Variants in PPP3CB observed in about 807,000 individuals in gnomAD.
The protein encoded by PPP3CB is protein phosphatase 3 catalytic subunit beta.
A neutral mutation model predicts 66.4 loss-of-function variants in PPP3CB; 8 were observed. The ratio of observed to expected loss-of-function variants is 0.12; its 90% CI spans 0.07 to 0.22. The LOEUF (loss-of-function observed/expected upper bound fraction) is 0.22, where lower values mean the gene tolerates loss of function less well. Among genes scored for constraint, PPP3CB ranks in the 10% least tolerant of loss-of-function variants. The pLI, the probability that PPP3CB is intolerant of heterozygous loss-of-function variation, is 1.00. For missense variants in PPP3CB, 319 were observed against 642.5 expected (o/e 0.50, Z 5.44); for synonymous variants, 208 against 221.2 (o/e 0.94, Z 0.53).
chr10:73,444,458 T>C lies in PPP3CB; in HGVS notation c.1366+267A>G, dbSNP rs1047693367. Reference sequence around the variant, plus strand: ...GAATAAATAAATATTTCAGACATTATGATATGAGCTGCTCCCATATCATTT... The same window carrying C: ...GAATAAATAAATATTTCAGACATTACGATATGAGCTGCTCCCATATCATTT... On this transcript the variant is annotated intron_variant, in intron 12 of 13. Transcript: ENST00000360663. 17 of 919,292 alleles carry C rather than the reference T, an allele frequency of 1.8e-5. No individual in the cohort carries two copies. In the African/African-American group the frequency reaches 2.9e-4, roughly 15 times the overall value. 56.9% of individuals were successfully genotyped at this position (919,292 alleles called of 1,614,324 possible). A position where few individuals can be genotyped will look rare whatever the true frequency, so the allele number is the denominator to read the frequency against.
intron 12 of PPP3CB, chr10:73,444,388 T>A: frequency 3.5e-6 from 2 of 579,648 alleles, no homozygotes; most frequent in Non-Finnish European, 5.8e-6. Context: ...CTGATTCACA[T>A]TCTGAAACTG....
At chr10:73,440,585 T>C (rs1294679727) in intron 12 of PPP3CB, among the ~76,000 whole-genome samples, 1 of 152,192 alleles carries the variant, frequency 6.6e-6, no homozygotes, top group Non-Finnish European at 1.5e-5. Context: ...ACTTCCTTTC[T>C]ATTCTAGTAC....
At chr10:73,467,731 T>C (rs2132909939) in intron 8 of PPP3CB, 53 bp from the exon 9 acceptor site, 2 of 1,442,624 alleles carry the variant, frequency 1.4e-6, no homozygotes, top group Middle Eastern at 2.0e-4. Flanking sequence ...CTATTTGTCA[T>C]TAGCCTTAAA....
chr10:73,439,958 A>G, intron 12 of PPP3CB, 57 bp from the exon 13 acceptor site: 2 of 1,514,452 alleles, frequency 1.3e-6, no homozygotes, highest in East Asian at 2.3e-5. Context: ...GAAGGGTCAT[A>G]TTGTACAGCA....
At chr10:73,444,029 T>C (rs2056206052) in intron 12 of PPP3CB, 1 of 152,382 alleles carries the variant, frequency 6.6e-6, no homozygotes, top group Non-Finnish European at 1.5e-5. Context: ...GTAATTTAAT[T>C]GAACATACTT....
At position 73,437,353 on chromosome 10, in the gene PPP3CB, CAT is replaced by C. The variant is rs1420635053; in HGVS notation, c.*887_*888del. On this transcript the variant is annotated 3_prime_UTR_variant, in exon 14 of 14. Transcript: ENST00000360663. Reference sequence around the variant, plus strand: ...TCTCATAACATCTAGGTAACCTATACATGTCGTACCTGTACATCATAGGTCTA... The same window carrying C: ...TCTCATAACATCTAGGTAACCTATACGTCGTACCTGTACATCATAGGTCTA... The C allele has an allele frequency of 6.6e-6, 1 of 152,618 alleles. No individual in the cohort carries two copies. The highest frequency in any genetic ancestry group is 1.5e-5 in the Non-Finnish European group (1 of 68,042). The allele number at this position is 152,618 out of a possible 1,614,324, so 9.5% of individuals were successfully genotyped here.
Position 73,446,521 on chromosome 10 carries a change from G to A in PPP3CB, c.1239C>T (p.Gly413=), listed in dbSNP as rs776680508. 2.2e-5 allele frequency: 35 copies of A among 1,613,234 alleles called. No individual in the cohort carries two copies. The highest frequency in any genetic ancestry group is 2.0e-5 in the Non-Finnish European group (24 of 1,179,338). The change falls in exon 11 of 14, where the codon GGC becomes GGT. Residue 413 remains glycine (G), a synonymous_variant. Coordinates refer to ENST00000360663, the MANE Select transcript of PPP3CB (RefSeq NM_021132.4). ...EIIRNKIRAI[G]KMARVFSVLR... is the part of the protein sequence containing the mutation. ...GAACAGAGAAGACTCTTGCCATCTT[G>A]CCAATTGCTCGAATTTTGTTTCTTA...
At chr10:73,480,437 G>A (rs1388116350) in intron 1 of PPP3CB, among the ~76,000 whole-genome samples, 1 of 143,056 alleles carries the variant, frequency 7.0e-6, no homozygotes, top group Non-Finnish European at 1.5e-5. Flanking sequence ...ATTTATCCCT[G>A]TAATTTTTTT....
chr10:73,477,208 C>A (rs1158540860), intron 3 of PPP3CB: 1 of 518,898 alleles, frequency 1.9e-6, no homozygotes, highest in Non-Finnish European at 3.8e-6. Context: ...GTGCCTAGAA[C>A]ATGCTTAGAA....
rs747903656 is a variant in PPP3CB at position 73,471,623 on chromosome 10, C to CA, written c.524-11dup. 1.5e-4 allele frequency: 227 copies of CA among 1,561,938 alleles called. No individual in the cohort carries two copies. The highest frequency in any genetic ancestry group is 1.9e-4 in the Non-Finnish European group (218 of 1,153,452). ...GAATACTTAATTTTACCTAGAAAAACAAAAAACTAATTGAAAATTACATTA... is the reference window on the plus strand; with the variant it reads ...GAATACTTAATTTTACCTAGAAAAACAAAAAAACTAATTGAAAATTACATTA... On this transcript the variant is annotated splice_polypyrimidine_tract_variant and intron_variant, in intron 4 of 13. Coordinates refer to ENST00000360663, the MANE Select transcript of PPP3CB (RefSeq NM_021132.4).
chr10:73,483,756 CAGG>C (rs1465107253), intron 1 of PPP3CB, among the ~76,000 whole-genome samples: 6 of 152,184 alleles, frequency 3.9e-5, no homozygotes, highest in Admixed American at 3.3e-4. Context: ...GGAGCTTCAG[CAGG>C]AGACCTGACG....
At chr10:73,486,768 G>C (rs1370979683) in intron 1 of PPP3CB, among the ~76,000 whole-genome samples, 4 of 152,072 alleles carry the variant, frequency 2.6e-5, no homozygotes, top group Admixed American at 6.6e-5. Flanking sequence ...CATTCTCTTA[G>C]CTCCGCATTA....
chr10:73,457,712 T>G (rs1234996252), intron 9 of PPP3CB, among the ~76,000 whole-genome samples: 1 of 146,494 alleles, frequency 6.8e-6, no homozygotes, highest in Non-Finnish European at 1.5e-5. Flanking sequence ...CACTCCAGTC[T>G]GGGTGACACA....
chr10:73,485,527 GGTCA>G (rs1338856248), intron 1 of PPP3CB, among the ~76,000 whole-genome samples: 1 of 152,126 alleles, frequency 6.6e-6, no homozygotes, highest in East Asian at 1.9e-4. Context: ...AGATGCCTAA[GGTCA>G]GTTAATCTCA....
intron 12 of PPP3CB, among the ~76,000 whole-genome samples, chr10:73,443,286 CAGAAAGAAAGA>C (rs2056187790): frequency 8.6e-6 from 1 of 115,634 alleles, no homozygotes; most frequent in African/African-American, 3.4e-5. Flanking sequence ...GAAAGAAAGA[CAGAAAGAAAGA>C]AAGAAAGAAA....
chr10:73,458,277 C>T (rs572999357), intron 9 of PPP3CB, among the ~76,000 whole-genome samples: 22 of 152,174 alleles, frequency 1.4e-4, no homozygotes, highest in African/African-American at 5.3e-4. Context: ...GCTGGGATTA[C>T]AGGCACGCAC....
chr10:73,495,566 C>G (rs542023012), intron 1 of PPP3CB: 1 of 399,200 alleles, frequency 2.5e-6, no homozygotes, highest in African/African-American at 2.2e-5. Context: ...ACCCCTTGGG[C>G]TAGGAAGCCA....
At chr10:73,460,823 C>T (rs1364698159) in intron 9 of PPP3CB, among the ~76,000 whole-genome samples, 1 of 152,226 alleles carries the variant, frequency 6.6e-6, no homozygotes, top group African/African-American at 2.4e-5. Context: ...TGTTAAACCC[C>T]TAGGCAAGTG....
chr10:73,471,035 C>T, intron 6 of PPP3CB, 35 bp downstream of exon 6: 1 of 1,598,154 alleles, frequency 6.3e-7, no homozygotes, highest in Non-Finnish European at 8.6e-7. Flanking sequence ...ATGTTAACAA[C>T]TAAAATGTGA....
Sources: gnomAD v4.1 joint callset for allele counts (sites outside exome capture counted in the v4.1 genomes callset) on GRCh38, gnomAD v4.1.1 for gene constraint, MANE v1.5 for transcripts, NCBI Gene and HGNC (gene_info 2026-07-23, HGNC 2026-07-21) for gene names.